Variants in TLL1 observed in about 807,000 individuals in gnomAD.
The protein encoded by TLL1 is tolloid-like protein 1.
A neutral mutation model predicts 128.2 loss-of-function variants in TLL1; 49 were observed. That is an observed-to-expected ratio of 0.38 (90% CI 0.30 to 0.48). The LOEUF (loss-of-function observed/expected upper bound fraction) is 0.48, where lower values mean the gene tolerates loss of function less well. Ranked by LOEUF, TLL1 falls within the 20% of genes least tolerant of loss-of-function variation. TLL1 has a pLI of 0.96. For missense variants in TLL1, 1,123 were observed against 1,242.0 expected (o/e 0.90, Z 1.44); for synonymous variants, 454 against 418.8 (o/e 1.08, Z -1.03).
At position 166,097,308 on chromosome 4, in the gene TLL1, A is replaced by G. The variant is rs542841346; in HGVS notation, c.2657-1969A>G. Among the ~76,000 whole-genome samples, 52 of 152,228 alleles carry G rather than the reference A, an allele frequency of 3.4e-4. 1 individual carries two copies. In the South Asian group the frequency reaches 0.011, roughly 31 times the overall value. ...GCTTCCAGTTTGTGGGACTTGGGAG[A>G]TAAAATCCCAAGGCTAATTGGTATT... On this transcript the variant is annotated intron_variant, in intron 19 of 20. Coordinates refer to ENST00000061240, the MANE Select transcript of TLL1 (RefSeq NM_012464.5).
At position 165,943,561 on chromosome 4, in the gene TLL1, T is replaced by C. The variant is rs543228636; in HGVS notation, c.170-45820T>C. On this transcript the variant is annotated intron_variant, in intron 1 of 20. Coordinates refer to ENST00000061240, the MANE Select transcript of TLL1 (RefSeq NM_012464.5). ...CTTATCTCCTTAAAAATTGGACCTT[T>C]AAAATACTCATGCCAGGGAATATTA... Among the ~76,000 whole-genome samples, 15 of 152,208 alleles carry C rather than the reference T, an allele frequency of 9.9e-5. No homozygotes were observed. In the South Asian group the frequency reaches 3.1e-3, roughly 32 times the overall value.
intron 5 of TLL1, among the ~76,000 whole-genome samples, chr4:165,999,555 C>T (rs1021695920): frequency 6.6e-6 from 1 of 152,072 alleles, no homozygotes; most frequent in Admixed American, 6.5e-5. Flanking sequence ...GGTCCCTCGA[C>T]ATGTGGGGAT....
intron 8 of TLL1, among the ~76,000 whole-genome samples, chr4:166,022,671 A>T (rs1025058434): frequency 6.6e-6 from 1 of 152,226 alleles, no homozygotes; most frequent in Non-Finnish European, 1.5e-5. Context: ...GGAGTCAGCT[A>T]TAAAAGTAAC....
intron 12 of TLL1, among the ~76,000 whole-genome samples, chr4:166,047,059 T>C (rs1037552852): frequency 1.3e-5 from 2 of 152,210 alleles, no homozygotes; most frequent in African/African-American, 4.8e-5. Context: ...AATCAAAATG[T>C]TTTCATAAAT....
chr4:165,986,638 G>T (rs942522746), intron 1 of TLL1, among the ~76,000 whole-genome samples: 3 of 151,864 alleles, frequency 2.0e-5, no homozygotes, highest in Non-Finnish European at 2.9e-5. Flanking sequence ...AAATAAATGG[G>T]CTTATGTCCT....
In TLL1 at chr4:166,043,443, C is replaced by T. The variant is rs368039685; in HGVS notation, c.1524+24C>T. 2.5e-4 allele frequency: 402 copies of T among 1,613,912 alleles called. 4 individuals are homozygous for T. In the South Asian group the frequency reaches 4.1e-3, roughly 16 times the overall value. On this transcript the variant is annotated intron_variant, in intron 12 of 20. Coordinates refer to ENST00000061240, the MANE Select transcript of TLL1 (RefSeq NM_012464.5). Reference sequence around the variant, plus strand: ...AGGTAAAGTCTTTTAGGCTATCTTCCTGGCAAATATTCTCCATAAACGACA... The same window carrying T: ...AGGTAAAGTCTTTTAGGCTATCTTCTTGGCAAATATTCTCCATAAACGACA...
intron 1 of TLL1, among the ~76,000 whole-genome samples, chr4:165,926,459 G>A (rs569587137): frequency 6.6e-6 from 1 of 152,174 alleles, no homozygotes; most frequent in African/African-American, 2.4e-5. Flanking sequence ...TCTGGTAGAA[G>A]TTCTTATCTT....
chr4:165,977,574 A>G (rs1234979715), intron 1 of TLL1, among the ~76,000 whole-genome samples: 2 of 152,122 alleles, frequency 1.3e-5, no homozygotes, highest in Admixed American at 6.5e-5. Flanking sequence ...CTTAAATTGG[A>G]CTCAGAAGCC....
chr4:166,056,384 A>G (rs1740008513), intron 13 of TLL1, among the ~76,000 whole-genome samples: 1 of 151,416 alleles, frequency 6.6e-6, no homozygotes, highest in Non-Finnish European at 1.5e-5. Flanking sequence ...TTTAAAAAAT[A>G]TTATATATTG....
chr4:165,901,664 G>A (rs1390429931), intron 1 of TLL1, among the ~76,000 whole-genome samples: 1 of 152,198 alleles, frequency 6.6e-6, no homozygotes, highest in African/African-American at 2.4e-5. Flanking sequence ...GAGCTCTCCT[G>A]TATGAGGTGT....
At chr4:165,917,363 G>A (rs1047778745) in intron 1 of TLL1, among the ~76,000 whole-genome samples, 1 of 152,046 alleles carries the variant, frequency 6.6e-6, no homozygotes, top group Non-Finnish European at 1.5e-5. Flanking sequence ...TTGAATTCTG[G>A]TTATGGTATT....
Position 165,973,479 on chromosome 4 carries a change from G to C in TLL1, c.170-15902G>C, listed in dbSNP as rs181039725. On this transcript the variant is annotated intron_variant, in intron 1 of 20. Coordinates refer to ENST00000061240, the MANE Select transcript of TLL1 (RefSeq NM_012464.5). ...AGGCAAGGTTTTGTAGATCCTTTTG[G>C]TTACAGTCCCTTGCTTCCTGTTTCA... is the stretch of plus-strand genomic sequence containing the variant. Among the ~76,000 whole-genome samples the C allele has an allele frequency of 3.0e-3, 452 of 151,948 alleles. 3 individuals carry two copies. Among genetic ancestry groups the C allele is most frequent in the African/African-American group, 0.01 (426 of 41,448 alleles).
chr4:165,946,531 G>T (rs1053613006), intron 1 of TLL1, among the ~76,000 whole-genome samples: 2 of 145,908 alleles, frequency 1.4e-5, no homozygotes, highest in African/African-American at 5.1e-5. Flanking sequence ...GTAGAGACGA[G>T]GTTTTCCCAT....
intron 1 of TLL1, among the ~76,000 whole-genome samples, chr4:165,935,364 C>T (rs1279459271): frequency 6.6e-6 from 1 of 152,176 alleles, no homozygotes; most frequent in Non-Finnish European, 1.5e-5. Flanking sequence ...GTCAGTATTA[C>T]CTGTCTGGCA....
At chr4:166,087,191 T>TGTGC (rs1741561402) in intron 18 of TLL1, among the ~76,000 whole-genome samples, 2 of 152,180 alleles carry the variant, frequency 1.3e-5, no homozygotes. Flanking sequence ...AATAAGCTAA[T>TGTGC]GTGCTTCTAT....
At chr4:165,902,956 CTG>C (rs1732068732) in intron 1 of TLL1, among the ~76,000 whole-genome samples, 1 of 152,204 alleles carries the variant, frequency 6.6e-6, no homozygotes, top group African/African-American at 2.4e-5. Context: ...ACCAACAACA[CTG>C]TGCATAATTG....
chr4:166,057,665 C>T (rs923926473), intron 14 of TLL1, among the ~76,000 whole-genome samples: 1 of 152,136 alleles, frequency 6.6e-6, no homozygotes, highest in Admixed American at 6.6e-5. Context: ...ACTCACAGTT[C>T]CACATGGCTG....
chr4:166,038,953 C>G (rs2111088968), intron 9 of TLL1, among the ~76,000 whole-genome samples: 1 of 152,150 alleles, frequency 6.6e-6, no homozygotes. Flanking sequence ...AAAAGACTTT[C>G]ATGAAAAAAA....
At chr4:166,008,270 A>G (rs1222294472) in intron 7 of TLL1, among the ~76,000 whole-genome samples, 1 of 151,600 alleles carries the variant, frequency 6.6e-6, no homozygotes, top group Non-Finnish European at 1.5e-5. Flanking sequence ...TGAATTTAAT[A>G]TATAAAATTT....
Sources: gnomAD v4.1 joint callset for allele counts (sites outside exome capture counted in the v4.1 genomes callset) on GRCh38, gnomAD v4.1.1 for gene constraint, MANE v1.5 for transcripts, NCBI Gene and HGNC (gene_info 2026-07-23, HGNC 2026-07-21) for gene names.